The following CHD7 variants were observed in gnomAD, a reference collection of about 807,000 sequenced individuals.
The protein encoded by CHD7 is chromodomain helicase DNA binding protein 7, also known as ATP-dependent chromatin remodeler CHD7.
In CHD7, 24 loss-of-function variants were observed where a neutral mutation model predicts 307.3. The observed-to-expected ratio is 0.08, with a 90% CI of 0.06 to 0.11. The LOEUF is 0.11. CHD7 is among the 10% of genes least tolerant of loss of function. The pLI is 1.00. For synonymous variants in CHD7, 1,363 were observed against 1,349.9 expected, an observed-to-expected ratio of 1.01 and a Z score of -0.21; for missense variants, 3,106 against 3,727.1, an observed-to-expected ratio of 0.83 and a Z score of 4.34.
chr8:60,728,258 T>G (rs763348507), intron 1 of CHD7, among the ~76,000 whole-genome samples: 1 of 152,214 alleles, frequency 6.6e-6, no homozygotes, highest in Admixed American at 6.5e-5. Context: ...GCTGAAAAGG[T>G]GTCATCAGTG....
In CHD7 at chr8:60,742,305, C is replaced by G; in HGVS notation, c.873C>G (p.Asn291Lys). Reference sequence around the variant, plus strand: ...GGGCTGTTAGGCCGCAAACCCTTAACTTTAGTTCTCGGAGCCAGACAGTCC... The same window carrying G: ...GGGCTGTTAGGCCGCAAACCCTTAAGTTTAGTTCTCGGAGCCAGACAGTCC... ...QQGAVRPQTL[N>K]FSSRSQTVPS... Residue 291 changes from asparagine to lysine, a missense_variant, in exon 2 of 38, where the codon AAC (asparagine) becomes AAG (lysine). This residue lies in a region of CHD7 where 998 missense variants were observed against 1,004.5 expected (regional missense o/e 0.99). Coordinates refer to ENST00000423902, the MANE Select transcript of CHD7 (RefSeq NM_017780.4). 1 of 1,614,004 alleles carries G rather than the reference C, an allele frequency of 6.2e-7. No individual in the cohort carries two copies. The highest frequency in any genetic ancestry group is 1.1e-5 in the South Asian group (1 of 91,078).
At chr8:60,768,594 G>A (rs1171086343) in intron 2 of CHD7, among the ~76,000 whole-genome samples, 2 of 152,172 alleles carry the variant, frequency 1.3e-5, no homozygotes, top group African/African-American at 4.8e-5. Flanking sequence ...AATTCGTTCT[G>A]CATGTTGTTT....
At chr8:60,837,882 T>G (rs1298227377) in intron 18 of CHD7, 47 bp downstream of exon 18, 1 of 1,523,590 alleles carries the variant, frequency 6.6e-7, no homozygotes, top group East Asian at 2.3e-5. Context: ...GGCACTTTCC[T>G]TTATTTAACT....
In CHD7 at chr8:60,709,298, G is replaced by A. The variant is rs140132493; in HGVS notation, c.-175+30216G>A. Among the ~76,000 whole-genome samples the A allele has an allele frequency of 2.3e-3, 354 of 152,284 alleles. 4 individuals are homozygous for A. Among genetic ancestry groups the A allele is most frequent in the African/African-American group, 8.1e-3 (337 of 41,560 alleles). On this transcript the variant is annotated intron_variant, in intron 1 of 37. Coordinates refer to ENST00000423902, the MANE Select transcript of CHD7 (RefSeq NM_017780.4). ...GATTCCCTTAAAAAGGGAATCTTGT[G>A]TATGCTTGACTGGAACTCAGCTAAG...
intron 1 of CHD7, among the ~76,000 whole-genome samples, chr8:60,712,382 T>G (rs1337749290): frequency 6.6e-6 from 1 of 152,094 alleles, no homozygotes; most frequent in East Asian, 1.9e-4. Context: ...AAAGAAGAAT[T>G]TTTACAATGT....
intron 13 of CHD7, chr8:60,825,399 C>T (rs990598387): frequency 1.3e-5 from 2 of 152,150 alleles, no homozygotes; most frequent in Non-Finnish European, 2.9e-5. Flanking sequence ...TAAAGCGATC[C>T]TAAGATCTGT....
intron 1 of CHD7, among the ~76,000 whole-genome samples, chr8:60,712,045 C>A (rs1807305570): frequency 6.6e-6 from 1 of 152,088 alleles, no homozygotes; most frequent in African/African-American, 2.4e-5. Flanking sequence ...GGTGGGTGTT[C>A]CAAATGATGT....
chr8:60,845,124 C>T, intron 22 of CHD7, 61 bp downstream of exon 22: 1 of 1,593,386 alleles, frequency 6.3e-7, no homozygotes, highest in South Asian at 1.1e-5. Flanking sequence ...ACTTTTGTGA[C>T]ACACTGTTGA....
chr8:60,819,654 T>C (rs1429590263), intron 8 of CHD7, among the ~76,000 whole-genome samples: 1 of 152,238 alleles, frequency 6.6e-6, no homozygotes, highest in Admixed American at 6.5e-5. Context: ...TGATTCTTCA[T>C]TGCAAACTGT....
chr8:60,822,218 A>T (rs1358537536), intron 11 of CHD7, 73 bp downstream of exon 11: 7 of 1,354,400 alleles, frequency 5.2e-6, no homozygotes, highest in East Asian at 2.4e-5. Context: ...GAAAATAATA[A>T]AAAAGAACTT....
chr8:60,787,829 C>CTTTTTT (rs33993174), intron 3 of CHD7, among the ~76,000 whole-genome samples: 1 of 108,826 alleles, frequency 9.2e-6, no homozygotes, highest in African/African-American at 3.4e-5. Context: ...GATTTTCTTT[C>CTTTTTT]TTTTTTTTTT....
At position 60,853,432 on chromosome 8, in the gene CHD7, G is replaced by T. The variant is rs774000027; in HGVS notation, c.6707G>T (p.Gly2236Val). The T allele has an allele frequency of 2.0e-6, 3 of 1,521,892 alleles. No individual in the cohort carries two copies. The highest frequency in any genetic ancestry group is 2.6e-6 in the Non-Finnish European group (3 of 1,138,788). The allele number at this position is 1,521,892 out of a possible 1,614,324, so 94.3% of individuals were successfully genotyped here. The change falls in exon 31 of 38, where the codon GGT (glycine) becomes GTT (valine). Residue 2236 changes from glycine (G) to valine (V), a missense_variant. Coordinates refer to ENST00000423902, the MANE Select transcript of CHD7 (RefSeq NM_017780.4). ...DTGSKSISEKGSEEDEEEKLE... is the reference protein window; with the variant it reads ...DTGSKSISEKVSEEDEEEKLE... Reference sequence around the variant, plus strand: ...GGGTCCAAATCTATTTCAGAGAAAGGTTCCGAAGAGGATGAAGAGGAAAAG... The same window carrying T: ...GGGTCCAAATCTATTTCAGAGAAAGTTTCCGAAGAGGATGAAGAGGAAAAG...
intron 24 of CHD7, among the ~76,000 whole-genome samples, chr8:60,848,837 G>C (rs1420489241): frequency 6.6e-6 from 1 of 152,128 alleles, no homozygotes. Context: ...CTGGTGTTCT[G>C]AGATGACCCT....
At chr8:60,837,876 C>A in intron 18 of CHD7, 41 bp downstream of exon 18, 1 of 1,551,088 alleles carries the variant, frequency 6.4e-7, no homozygotes, top group Non-Finnish European at 8.8e-7. Context: ...TATTCTGGCA[C>A]TTTCCTTTAT....
chr8:60,841,341 T>G (rs767502458), intron 19 of CHD7, among the ~76,000 whole-genome samples: 5 of 152,250 alleles, frequency 3.3e-5, no homozygotes, highest in Non-Finnish European at 5.9e-5. Flanking sequence ...GACTTTTCTT[T>G]TCGGTTTCCA....
At chr8:60,822,866 T>C (rs1290392225) in intron 12 of CHD7, 120 bp downstream of exon 12, 19 of 765,276 alleles carry the variant, frequency 2.5e-5, no homozygotes, top group Middle Eastern at 2.6e-4. Context: ...AAATTTGCTT[T>C]AGATATCTGA....
chr8:60,796,970 A>G (rs1812064354), intron 4 of CHD7, among the ~76,000 whole-genome samples: 1 of 152,240 alleles, frequency 6.6e-6, no homozygotes, highest in Non-Finnish European at 1.5e-5. Flanking sequence ...GGAAACATTT[A>G]AATGTTCTAT....
intron 7 of CHD7, among the ~76,000 whole-genome samples, chr8:60,813,940 A>C (rs1011353517): frequency 1.2e-4 from 19 of 152,204 alleles, no homozygotes; most frequent in South Asian, 1.2e-3. Context: ...TACCTGTTTC[A>C]TAAAGAGTAG....
At position 60,756,545 on chromosome 8, in the gene CHD7, G is replaced by C. The variant is rs1184381719; in HGVS notation, c.1665+13448G>C. 2.0e-5 allele frequency among the ~76,000 whole-genome samples: 3 copies of C among 152,186 alleles called. No individual in the cohort carries two copies. The East Asian group carries it at 5.8e-4, about 29-fold the overall frequency. ...AAAATATTTAAGGCCAGGCACGGTG[G>C]TGTGCACCTGTAGCCCAGCTATCTG... is the stretch of plus-strand genomic sequence containing the variant. On this transcript the variant is annotated intron_variant, in intron 2 of 37. Transcript: ENST00000423902.
Sources: gnomAD v4.1 joint callset for allele counts (sites outside exome capture counted in the v4.1 genomes callset) on GRCh38, gnomAD v4.1.1 for gene constraint, gnomAD v4.1.1 regional missense constraint, MANE v1.5 for transcripts, NCBI Gene and HGNC (gene_info 2026-07-23, HGNC 2026-07-21) for gene names.